The following RSRC1 variants were observed in gnomAD, a reference collection of about 807,000 sequenced individuals.
The protein encoded by RSRC1 is serine/Arginine-related protein 53.
A neutral mutation model predicts 49.1 loss-of-function variants in RSRC1; 39 were observed. The ratio of observed to expected loss-of-function variants is 0.79; its 90% CI spans 0.61 to 1.04. The LOEUF is 1.04. Among genes scored for constraint, RSRC1 ranks in the 50% least tolerant of loss-of-function variants. RSRC1 has a pLI of 0.00. For missense variants in RSRC1, 388 were observed against 402.4 expected (o/e 0.96, Z 0.31); for synonymous variants, 143 against 130.8 (o/e 1.09, Z -0.63).
intron 5 of RSRC1, 79 bp downstream of exon 5, chr3:158,298,154 G>C: frequency 2.8e-6 from 3 of 1,071,460 alleles, no homozygotes; most frequent in South Asian, 1.3e-5. Flanking sequence ...AATGAGCTTT[G>C]AATACTTTGT....
At chr3:158,166,391 A>G (rs1718540457) in intron 3 of RSRC1, among the ~76,000 whole-genome samples, 1 of 152,156 alleles carries the variant, frequency 6.6e-6, no homozygotes, top group African/African-American at 2.4e-5. Flanking sequence ...CGTAATCATA[A>G]CCATGTGTGG....
chr3:158,310,844 T>C (rs924280332), intron 5 of RSRC1, among the ~76,000 whole-genome samples: 10 of 151,910 alleles, frequency 6.6e-5, no homozygotes, highest in African/African-American at 1.9e-4. Context: ...TACTCATATG[T>C]CAAAATTTAC....
At chr3:158,357,129 A>G (rs565754613) in intron 6 of RSRC1, among the ~76,000 whole-genome samples, 2 of 152,284 alleles carry the variant, frequency 1.3e-5, no homozygotes, top group African/African-American at 2.4e-5. Flanking sequence ...TTTTTATTGA[A>G]TATTTATGTT....
At chr3:158,467,711 G>T (rs945980036) in intron 7 of RSRC1, among the ~76,000 whole-genome samples, 3 of 152,118 alleles carry the variant, frequency 2.0e-5, no homozygotes, top group African/African-American at 7.2e-5. Flanking sequence ...ATTGTTTAAG[G>T]TTACTAAATG....
chr3:158,527,816 A>G (rs1576609240), intron 7 of RSRC1, among the ~76,000 whole-genome samples: 2 of 152,092 alleles, frequency 1.3e-5, no homozygotes, highest in South Asian at 2.1e-4. Flanking sequence ...ATTAGCCACA[A>G]TTAATATTCC....
intron 6 of RSRC1, among the ~76,000 whole-genome samples, chr3:158,425,260 A>G (rs1057487020): frequency 1.3e-5 from 2 of 152,130 alleles, no homozygotes; most frequent in African/African-American, 4.8e-5. Flanking sequence ...AATGTGTCCC[A>G]GAGATTGTGG....
intron 6 of RSRC1, among the ~76,000 whole-genome samples, chr3:158,408,563 C>T (rs1372303043): frequency 2.0e-5 from 3 of 152,130 alleles, no homozygotes; most frequent in Non-Finnish European, 2.9e-5. Context: ...ATTTTGTTTA[C>T]GTTTTATCTC....
At chr3:158,488,471 C>T (rs1295820729) in intron 7 of RSRC1, among the ~76,000 whole-genome samples, 1 of 152,108 alleles carries the variant, frequency 6.6e-6, no homozygotes, top group Non-Finnish European at 1.5e-5. Context: ...ATGTTCAGCT[C>T]AGACAAGAAA....
intron 5 of RSRC1, among the ~76,000 whole-genome samples, chr3:158,328,804 T>A (rs1226106790): frequency 1.3e-5 from 2 of 152,206 alleles, no homozygotes; most frequent in African/African-American, 4.8e-5. Context: ...GGTGGGAAAG[T>A]TCTCCTGGAT....
intron 3 of RSRC1, among the ~76,000 whole-genome samples, chr3:158,187,800 G>T (rs1244651040): frequency 6.6e-6 from 1 of 151,930 alleles, no homozygotes; most frequent in African/African-American, 2.4e-5. Flanking sequence ...CAAAAATAGT[G>T]TTGTTGCTGG....
intron 4 of RSRC1, among the ~76,000 whole-genome samples, chr3:158,258,592 G>T (rs1724708422): frequency 6.6e-6 from 1 of 151,966 alleles, no homozygotes; most frequent in Non-Finnish European, 1.5e-5. Flanking sequence ...CTTTCTCTAG[G>T]TTTGGGAAAT....
intron 6 of RSRC1, among the ~76,000 whole-genome samples, chr3:158,401,857 A>G (rs1733909023): frequency 6.6e-6 from 1 of 152,000 alleles, no homozygotes; most frequent in African/African-American, 2.4e-5. Flanking sequence ...TTTAATTTAA[A>G]TTTATGAACT....
chr3:158,164,332 T>A (rs1379926797), intron 3 of RSRC1, among the ~76,000 whole-genome samples: 4 of 152,074 alleles, frequency 2.6e-5, no homozygotes, highest in Non-Finnish European at 5.9e-5. Context: ...TCTTTTTTTT[T>A]TAAAACAAGA....
At chr3:158,245,801 T>G (rs1723854724) in intron 4 of RSRC1, among the ~76,000 whole-genome samples, 1 of 152,188 alleles carries the variant, frequency 6.6e-6, no homozygotes, top group Non-Finnish European at 1.5e-5. Flanking sequence ...TGTAAGAGCA[T>G]TGTGTAATGC....
chr3:158,241,319 C>T (rs751422110), intron 4 of RSRC1, among the ~76,000 whole-genome samples: 64 of 151,832 alleles, frequency 4.2e-4, no homozygotes, highest in Non-Finnish European at 6.6e-4. Context: ...CATGGTAGCG[C>T]GCACCTGTAG....
At chr3:158,316,537 G>A (rs937013319) in intron 5 of RSRC1, among the ~76,000 whole-genome samples, 3 of 142,700 alleles carry the variant, frequency 2.1e-5, no homozygotes, top group African/African-American at 5.1e-5. Context: ...CTCCGCCCCC[G>A]GGGTTCACGC....
Position 158,203,220 on chromosome 3 carries a change from A to G in RSRC1, c.469A>G (p.Lys157Glu), listed in dbSNP as rs745363732. 1 of 1,600,382 alleles carries G rather than the reference A, an allele frequency of 6.2e-7. No individual in the cohort carries two copies. Among genetic ancestry groups the G allele is most frequent in the Admixed American group, 1.7e-5 (1 of 57,846 alleles). ...AAAGGAGAAGGATAAAGGGAAGGAC[A>G]AGGAATTACATAACATCAAACGTGG... The part of the protein sequence containing the change: ...REKEKDKGKD[K>E]ELHNIKRGES... The change falls in exon 4 of 10, where the codon AAG becomes GAG. Residue 157 changes from lysine to glutamate, a missense_variant. Physicochemically the swap from Lys to Glu is moderately conservative, Grantham distance 56. Transcript: ENST00000611884.
intron 3 of RSRC1, among the ~76,000 whole-genome samples, chr3:158,178,120 TG>T (rs1484429737): frequency 6.6e-6 from 1 of 151,892 alleles, no homozygotes; most frequent in Non-Finnish European, 1.5e-5. Flanking sequence ...TTTGTTTTTT[TG>T]TTTGTTTGTT....
intron 4 of RSRC1, among the ~76,000 whole-genome samples, chr3:158,226,096 G>C (rs1421327031): frequency 6.6e-6 from 1 of 151,822 alleles, no homozygotes; most frequent in African/African-American, 2.4e-5. Flanking sequence ...TTTGAGGAAT[G>C]GATACTGTTT....
Sources: gnomAD v4.1 joint callset for allele counts (sites outside exome capture counted in the v4.1 genomes callset) on GRCh38, gnomAD v4.1.1 for gene constraint, MANE v1.5 for transcripts, NCBI Gene and HGNC (gene_info 2026-07-23, HGNC 2026-07-21) for gene names.